Variants in CSMD1 observed in about 807,000 individuals in gnomAD.
CSMD1 encodes CUB and Sushi multiple domains 1, also known as CUB and sushi domain-containing protein 1.
CSMD1 carries 213 observed loss-of-function variants against 417.5 expected under a neutral mutation model. The ratio of observed to expected loss-of-function variants is 0.51; its 90% CI spans 0.46 to 0.57. The LOEUF (loss-of-function observed/expected upper bound fraction) is 0.57, where lower values mean the gene tolerates loss of function less well. CSMD1 is among the 20% of genes least tolerant of loss of function. CSMD1 has a pLI of 0.00. For missense variants in CSMD1, 6,923 were observed against 4,529.7 expected (o/e 1.53, Z -15.17); for synonymous variants, 2,862 against 1,736.8 (o/e 1.65, Z -16.11).
intron 1 of CSMD1, among the ~76,000 whole-genome samples, chr8:4,911,549 T>C (rs1805670857): frequency 6.6e-6 from 1 of 152,212 alleles, no homozygotes; most frequent in African/African-American, 2.4e-5. Context: ...GGCCAAACTT[T>C]ACTGCTAATA....
At chr8:3,723,774 G>A (rs1802324681) in intron 6 of CSMD1, among the ~76,000 whole-genome samples, 1 of 152,162 alleles carries the variant, frequency 6.6e-6, no homozygotes, top group African/African-American at 2.4e-5. Context: ...TGAAAGAGAT[G>A]CATAAAGTGA....
intron 3 of CSMD1, among the ~76,000 whole-genome samples, chr8:4,052,496 G>A (rs1798485098): frequency 6.6e-6 from 1 of 152,178 alleles, no homozygotes; most frequent in Admixed American, 6.5e-5. Flanking sequence ...TCAGAGTGCA[G>A]TGGGAGATCA....
chr8:3,682,670 G>C lies in CSMD1; in HGVS notation c.1009+25744C>G, dbSNP rs188019583. On this transcript the variant is annotated intron_variant, in intron 7 of 69. Coordinates refer to ENST00000635120, the MANE Select transcript of CSMD1 (RefSeq NM_033225.6). ...GGATCTAGAATTAGAAATACCATTT[G>C]ATCCAGCCATCCCATTACTGGGTAT... 2.6e-5 allele frequency among the ~76,000 whole-genome samples: 4 copies of C among 152,298 alleles called. No individual in the cohort carries two copies. In the East Asian group the frequency reaches 5.8e-4, roughly 22 times the overall value.
chr8:4,565,787 TATATATATATGTATAC>T (rs1798577980), intron 2 of CSMD1, among the ~76,000 whole-genome samples: 4 of 76,410 alleles, frequency 5.2e-5, no homozygotes, highest in African/African-American at 1.6e-4. Context: ...TATATATATA[TATATATATATGTATAC>T]ATATATATAT....
At chr8:3,627,183 T>A (rs924754542) in intron 7 of CSMD1, among the ~76,000 whole-genome samples, 2 of 152,170 alleles carry the variant, frequency 1.3e-5, no homozygotes, top group Non-Finnish European at 2.9e-5. Context: ...TCACCCTATA[T>A]GCTATTCAGA....
At chr8:3,614,685 T>C (rs1408689324) in intron 8 of CSMD1, among the ~76,000 whole-genome samples, 1 of 152,188 alleles carries the variant, frequency 6.6e-6, no homozygotes, top group Non-Finnish European at 1.5e-5. Flanking sequence ...AGTTTCTAGG[T>C]TTCTGGGATG....
rs150367977 is a variant in CSMD1 at position 4,029,863 on chromosome 8, G to A, written c.610+2042C>T. ...AGACAAATGCAGGCACAAGAATTGG[G>A]TAAATACAGCCATTCAAAAATGGGA... is the stretch of plus-strand genomic sequence containing the variant. On this transcript the variant is annotated intron_variant, in intron 4 of 69. Coordinates refer to ENST00000635120, the MANE Select transcript of CSMD1 (RefSeq NM_033225.6). 2.1e-4 allele frequency among the ~76,000 whole-genome samples: 32 copies of A among 151,916 alleles called. No individual in the cohort carries two copies. The East Asian group carries it at 5.4e-3, about 26-fold the overall frequency.
chr8:4,542,085 A>G (rs1412854901), intron 2 of CSMD1, among the ~76,000 whole-genome samples: 1 of 152,146 alleles, frequency 6.6e-6, no homozygotes, highest in African/African-American at 2.4e-5. Context: ...CTTCTTACCA[A>G]GTGAAATATA....
chr8:4,752,186 A>G (rs2117053931), intron 1 of CSMD1, among the ~76,000 whole-genome samples: 1 of 152,278 alleles, frequency 6.6e-6, no homozygotes. Context: ...GGAAGTAGAA[A>G]AAAAATCACT....
At chr8:3,456,076 G>A (rs1816107174) in intron 12 of CSMD1, among the ~76,000 whole-genome samples, 2 of 152,190 alleles carry the variant, frequency 1.3e-5, no homozygotes, top group South Asian at 4.1e-4. Context: ...TCTCAGCAAT[G>A]AGCAAGCCTT....
intron 12 of CSMD1, among the ~76,000 whole-genome samples, chr8:3,415,692 A>G (rs1365700710): frequency 6.6e-6 from 1 of 152,136 alleles, no homozygotes; most frequent in Admixed American, 6.5e-5. Flanking sequence ...TGTGTGTATT[A>G]TATGTTGTAT....
chr8:4,041,191 G>C (rs1200945521), intron 3 of CSMD1, among the ~76,000 whole-genome samples: 1 of 151,394 alleles, frequency 6.6e-6, no homozygotes, highest in East Asian at 2.0e-4. Flanking sequence ...TAATTTTTTT[G>C]TATTTTTGGT....
chr8:3,828,382 G>A (rs73658298), intron 5 of CSMD1, among the ~76,000 whole-genome samples: 3,062 of 152,196 alleles, frequency 0.02, 109 homozygotes, highest in African/African-American at 0.069. Context: ...ATTTAGTTTT[G>A]AGGAAACTGC....
rs373735815 is a variant in CSMD1 at position 4,628,059 on chromosome 8, A to C, written c.302+9283T>G. On this transcript the variant is annotated intron_variant, in intron 2 of 69. Coordinates refer to ENST00000635120, the MANE Select transcript of CSMD1 (RefSeq NM_033225.6). ...GACAAAAAAATCACCCCCAGTGGAG[A>C]AAGGCTGATAGAAGCATATACATAC... Among the ~76,000 whole-genome samples, 10 of 152,064 alleles carry C rather than the reference A, an allele frequency of 6.6e-5. No individual in the cohort carries two copies. In the East Asian group the frequency reaches 1.9e-3, roughly 30 times the overall value.
rs1009637315 is a variant in CSMD1, at chr8:3,367,035, A to C, written c.3112T>G (p.Ser1038Ala). ...ACAGCAAACAAGACCAACATACCTG[A>C]AAATGTGATATTGAAGCCCTCGTAC... ...ISYEGFNITF[S>A]EYDLEPCDDP... The change falls in exon 20 of 70, where the codon TCA (serine) becomes GCA (alanine). Residue 1038 changes from serine (S) to alanine (A), a missense_variant. Ser to Ala is a moderately conservative substitution (Grantham distance 99). Coordinates refer to ENST00000635120, the MANE Select transcript of CSMD1 (RefSeq NM_033225.6). The C allele has an allele frequency of 4.3e-6, 7 of 1,611,902 alleles. No homozygotes were observed. The highest frequency in any genetic ancestry group is 5.9e-6 in the Non-Finnish European group (7 of 1,178,482).
intron 3 of CSMD1, among the ~76,000 whole-genome samples, chr8:4,316,324 T>C (rs894494382): frequency 6.6e-6 from 1 of 152,182 alleles, no homozygotes; most frequent in Non-Finnish European, 1.5e-5. Context: ...ATAATCTGCA[T>C]ATTTTATTCC....
At chr8:4,348,149 G>A (rs1800881218) in intron 3 of CSMD1, among the ~76,000 whole-genome samples, 1 of 152,142 alleles carries the variant, frequency 6.6e-6, no homozygotes, top group Non-Finnish European at 1.5e-5. Context: ...GACCTTTTCG[G>A]TTTTTAAAAC....
chr8:4,952,132 C>G (rs80350430), intron 1 of CSMD1, among the ~76,000 whole-genome samples: 4 of 151,804 alleles, frequency 2.6e-5, no homozygotes, highest in African/African-American at 9.7e-5. Flanking sequence ...CACTAAATAT[C>G]TTGCACAAAA....
chr8:4,385,377 T>G (rs1337192028), intron 3 of CSMD1, among the ~76,000 whole-genome samples: 1 of 152,230 alleles, frequency 6.6e-6, no homozygotes, highest in Non-Finnish European at 1.5e-5. Context: ...GGCCCCAGCC[T>G]TAACATTTGT....
Sources: gnomAD v4.1 joint callset for allele counts (sites outside exome capture counted in the v4.1 genomes callset) on GRCh38, gnomAD v4.1.1 for gene constraint, MANE v1.5 for transcripts, NCBI Gene and HGNC (gene_info 2026-07-23, HGNC 2026-07-21) for gene names.